ARHGEF7: variants seen among roughly 807,000 people sequenced by gnomAD.
ARHGEF7 encodes PAK-interacting exchange factor beta.
ARHGEF7 carries 33 observed loss-of-function variants against 109.8 expected under a neutral mutation model. That is an observed-to-expected ratio of 0.30 (90% CI 0.23 to 0.40). The LOEUF (loss-of-function observed/expected upper bound fraction) is 0.40. Among genes scored for constraint, ARHGEF7 ranks in the 10% least tolerant of loss-of-function variants. The pLI is 1.00. For missense variants in ARHGEF7, 938 were observed against 1,098.5 expected (o/e 0.85, Z 2.07); for synonymous variants, 458 against 424.6 (o/e 1.08, Z -0.97).
At chr13:111,162,548 C>G (rs1180709254) in intron 2 of ARHGEF7, among the ~76,000 whole-genome samples, 2 of 152,160 alleles carry the variant, frequency 1.3e-5, no homozygotes, top group Non-Finnish European at 2.9e-5. Context: ...TTCATTTTCT[C>G]ACTTTACAGT....
intron 13 of ARHGEF7, among the ~76,000 whole-genome samples, chr13:111,279,799 G>A (rs529740452): frequency 2.0e-5 from 3 of 152,312 alleles, no homozygotes; most frequent in African/African-American, 7.2e-5. Context: ...GTTTTACAAA[G>A]TAGAATGTTA....
At chr13:111,238,972 G>A (rs1331522972) in intron 6 of ARHGEF7, among the ~76,000 whole-genome samples, 1 of 152,190 alleles carries the variant, frequency 6.6e-6, no homozygotes, top group Non-Finnish European at 1.5e-5. Context: ...GGAGGCTTCA[G>A]GAAACTTACA....
chr13:111,297,048 G>A (rs2093442397), intron 19 of ARHGEF7, among the ~76,000 whole-genome samples: 3 of 152,188 alleles, frequency 2.0e-5, no homozygotes, highest in Admixed American at 2.0e-4. Flanking sequence ...GTGCTATGAT[G>A]TCTCTAAAAA....
chr13:111,193,670 C>T (rs2153449923), intron 2 of ARHGEF7, among the ~76,000 whole-genome samples: 1 of 152,342 alleles, frequency 6.6e-6, no homozygotes, highest in South Asian at 2.1e-4. Flanking sequence ...GCACTGGTCC[C>T]TGGGGGAAGA....
chr13:111,128,044 A>T (rs1049679394), intron 1 of ARHGEF7, among the ~76,000 whole-genome samples: 2 of 152,238 alleles, frequency 1.3e-5, no homozygotes, highest in South Asian at 2.1e-4. Flanking sequence ...TGATCTAGGA[A>T]TAGAAGGAAA....
intron 1 of ARHGEF7, among the ~76,000 whole-genome samples, chr13:111,124,034 A>AT (rs948202291): frequency 8.8e-5 from 13 of 147,710 alleles, no homozygotes; most frequent in East Asian, 2.0e-4. Flanking sequence ...TACTTTGGCT[A>AT]TTTTTTTTTT....
rs768676820 is a variant in ARHGEF7, at chr13:111,304,104, C to G, written c.*991C>G. 1 of 152,258 alleles carries G rather than the reference C, an allele frequency of 6.6e-6. No individual in the cohort carries two copies. The highest frequency in any genetic ancestry group is 1.5e-5 in the Non-Finnish European group (1 of 68,062). The allele number at this position is 152,258 out of a possible 1,614,324, so 9.4% of individuals were successfully genotyped here. The stretch of plus-strand genomic sequence containing the variant: ...AGCCTCATCCCGAGGTCTCCTCCAC[C>G]ATTGGCCGTAGCCAGCAGGCTTCAG... On this transcript the variant is annotated 3_prime_UTR_variant, in exon 22 of 22. Coordinates refer to ENST00000646102, the MANE Select transcript of ARHGEF7 (RefSeq NM_001354046.2).
At chr13:111,161,698 C>T (rs545217042) in intron 2 of ARHGEF7, among the ~76,000 whole-genome samples, 18 of 151,982 alleles carry the variant, frequency 1.2e-4, no homozygotes, top group African/African-American at 3.9e-4. Context: ...ATAATGCTAC[C>T]GTTTAGAGAT....
chr13:111,133,959 C>G (rs558392316), intron 1 of ARHGEF7, among the ~76,000 whole-genome samples: 6 of 151,026 alleles, frequency 4.0e-5, no homozygotes, highest in African/African-American at 1.2e-4. Flanking sequence ...CTCCTCCCCC[C>G]ACCCCACAAC....
At chr13:111,282,437 C>T (rs1054817000) in intron 15 of ARHGEF7, among the ~76,000 whole-genome samples, 9 of 152,044 alleles carry the variant, frequency 5.9e-5, no homozygotes, top group Middle Eastern at 3.2e-3. Flanking sequence ...AATGGCACAC[C>T]GCTCTAAGAA....
At chr13:111,119,186 T>A (rs1318670159) in intron 1 of ARHGEF7, among the ~76,000 whole-genome samples, 1 of 152,220 alleles carries the variant, frequency 6.6e-6, no homozygotes, top group African/African-American at 2.4e-5. Context: ...TCCTCCTTTT[T>A]AGCAGGACAT....
chr13:111,174,251 G>C (rs1046418754), intron 2 of ARHGEF7, among the ~76,000 whole-genome samples: 3 of 152,204 alleles, frequency 2.0e-5, no homozygotes, highest in Non-Finnish European at 4.4e-5. Context: ...ATTTCTCAGA[G>C]CTTATACTCT....
chr13:111,214,463 C>G (rs895002278), intron 4 of ARHGEF7, among the ~76,000 whole-genome samples: 4 of 152,250 alleles, frequency 2.6e-5, no homozygotes, highest in Non-Finnish European at 4.4e-5. Flanking sequence ...CTGTTTTCCA[C>G]AAGGCCGGCG....
chr13:111,247,900 TC>T (rs560922468), intron 8 of ARHGEF7, among the ~76,000 whole-genome samples: 200 of 152,356 alleles, frequency 1.3e-3, no homozygotes, highest in Non-Finnish European at 2.5e-3. Flanking sequence ...AGATGTGCTT[TC>T]TTCCTTGGGG....
At chr13:111,141,941 A>G (rs2075368706) in intron 1 of ARHGEF7, among the ~76,000 whole-genome samples, 1 of 152,208 alleles carries the variant, frequency 6.6e-6, no homozygotes, top group Non-Finnish European at 1.5e-5. Flanking sequence ...TTGCATTCCC[A>G]CCAGCAATGA....
At chr13:111,282,400 G>C (rs142052666) in intron 15 of ARHGEF7, among the ~76,000 whole-genome samples, 20 of 152,252 alleles carry the variant, frequency 1.3e-4, no homozygotes, top group Non-Finnish European at 2.6e-4. Flanking sequence ...GGAATATTTT[G>C]GGTTTTCCAG....
chr13:111,241,469 C>A, intron 6 of ARHGEF7: 1 of 903,040 alleles, frequency 1.1e-6, no homozygotes, highest in Non-Finnish European at 1.7e-6. Flanking sequence ...GTGTAACTTG[C>A]ATTGTTTGGT....
chr13:111,293,727 T>C (rs1377956815), intron 19 of ARHGEF7: 17 of 985,302 alleles, frequency 1.7e-5, no homozygotes, highest in African/African-American at 7.0e-5. Flanking sequence ...ATTTTTTCCT[T>C]CTTCAGGGTG....
In ARHGEF7 at chr13:111,243,937, G is replaced by T; in HGVS notation, c.825G>T (p.Thr275=). The T allele has an allele frequency of 6.2e-7, 1 of 1,613,350 alleles. No individual in the cohort carries two copies. Among genetic ancestry groups the T allele is most frequent in the Non-Finnish European group, 8.5e-7 (1 of 1,179,438 alleles). ...YSKELQTVLS[T]YLRPLQTSEK... ...AAGAACTTCAGACTGTGCTTTCAACGTACCTACGGCCATTGCAGACCAGTG... is the reference window on the plus strand; with the variant it reads ...AAGAACTTCAGACTGTGCTTTCAACTTACCTACGGCCATTGCAGACCAGTG... Residue 275 remains threonine, a synonymous_variant, in exon 7 of 22, where the codon ACG becomes ACT. Coordinates refer to ENST00000646102, the MANE Select transcript of ARHGEF7 (RefSeq NM_001354046.2).
Sources: allele counts gnomAD v4.1 joint callset (sites outside exome capture counted in the v4.1 genomes callset), GRCh38; gene constraint gnomAD v4.1.1; transcripts MANE v1.5; gene names NCBI Gene and HGNC (gene_info 2026-07-23, HGNC 2026-07-21).